Variants in PDSS2 observed in about 807,000 individuals in gnomAD.
The protein encoded by PDSS2 is decaprenyl diphosphate synthase subunit 2.
A neutral mutation model predicts 44.5 loss-of-function variants in PDSS2; 31 were observed. The observed-to-expected ratio is 0.70, with a 90% CI of 0.52 to 0.94. The LOEUF is 0.94. Ranked by LOEUF, PDSS2 falls within the 40% of genes least tolerant of loss-of-function variation. The probability of loss-of-function intolerance (pLI) is 0.00; values close to 1 mark genes in which losing one functional copy is unlikely to be tolerated. For synonymous variants in PDSS2, 157 were observed against 180.3 expected (o/e 0.87, Z 1.03); for missense variants, 452 against 482.2 (o/e 0.94, Z 0.59).
chr6:107,364,020 T>C (rs903072438), intron 1 of PDSS2, among the ~76,000 whole-genome samples: 3 of 151,540 alleles, frequency 2.0e-5, no homozygotes, highest in South Asian at 2.1e-4. Flanking sequence ...GACATAAAGG[T>C]TCTCCACGTC....
At chr6:107,165,661 T>C (rs1771316418) in intron 7 of PDSS2, among the ~76,000 whole-genome samples, 1 of 151,842 alleles carries the variant, frequency 6.6e-6, no homozygotes, top group South Asian at 2.1e-4. Flanking sequence ...CTTTTTTGGT[T>C]CCATATGAAC....
At chr6:107,332,107 T>C (rs1582951607) in intron 2 of PDSS2, among the ~76,000 whole-genome samples, 1 of 1,346 alleles carries the variant, frequency 7.4e-4, no homozygotes, top group Non-Finnish European at 4.0e-3. Context: ...TAAGGTAAAC[T>C]TTTTTTTTTT....
At chr6:107,273,338 A>T (rs1028910992) in intron 3 of PDSS2, among the ~76,000 whole-genome samples, 2 of 152,104 alleles carry the variant, frequency 1.3e-5, no homozygotes, top group African/African-American at 4.8e-5. Context: ...GAAAAAAAAA[A>T]CACTAAAAAT....
intron 7 of PDSS2, among the ~76,000 whole-genome samples, chr6:107,182,583 C>A (rs890421578): frequency 6.6e-6 from 1 of 152,122 alleles, no homozygotes; most frequent in Non-Finnish European, 1.5e-5. Flanking sequence ...CCTTGGTTTC[C>A]CAAAGTGCTG....
intron 2 of PDSS2, among the ~76,000 whole-genome samples, chr6:107,330,812 C>G (rs1191551147): frequency 6.6e-6 from 1 of 152,044 alleles, no homozygotes; most frequent in Admixed American, 6.6e-5. Context: ...AAGGCTATGG[C>G]GAATGTTTAC....
intron 2 of PDSS2, among the ~76,000 whole-genome samples, chr6:107,295,623 C>G (rs1776486034): frequency 6.6e-6 from 1 of 152,222 alleles, no homozygotes; most frequent in African/African-American, 2.4e-5. Flanking sequence ...AAGTTATTTG[C>G]CTAATGTCAC....
chr6:107,318,979 C>G (rs1364157038), intron 2 of PDSS2, among the ~76,000 whole-genome samples: 2 of 149,186 alleles, frequency 1.3e-5, no homozygotes, highest in Non-Finnish European at 3.0e-5. Context: ...CAGAGTGAGA[C>G]TATGTTAAAA....
chr6:107,223,080 C>A (rs1235513749), intron 4 of PDSS2, among the ~76,000 whole-genome samples: 1 of 151,504 alleles, frequency 6.6e-6, no homozygotes, highest in Non-Finnish European at 1.5e-5. Context: ...TCCTGAGTAG[C>A]TGGGATTACA....
intron 2 of PDSS2, among the ~76,000 whole-genome samples, chr6:107,291,876 A>G (rs1776361206): frequency 6.6e-6 from 1 of 152,044 alleles, no homozygotes; most frequent in South Asian, 2.1e-4. Context: ...AAAAAGAAAA[A>G]TGCCAAGGCT....
At chr6:107,215,630 A>G (rs1773385865) in intron 4 of PDSS2, among the ~76,000 whole-genome samples, 1 of 152,204 alleles carries the variant, frequency 6.6e-6, no homozygotes. Context: ...TTTGAAGGCA[A>G]TATAACTGCA....
chr6:107,426,020 G>A (rs1266480824), intron 1 of PDSS2, among the ~76,000 whole-genome samples: 1 of 151,692 alleles, frequency 6.6e-6, no homozygotes, highest in African/African-American at 2.4e-5. Context: ...GCAGAAATTT[G>A]CACATGTAAC....
chr6:107,217,224 C>A (rs1204581038), intron 4 of PDSS2, among the ~76,000 whole-genome samples: 1 of 152,134 alleles, frequency 6.6e-6, no homozygotes, highest in Non-Finnish European at 1.5e-5. Context: ...TGTCTATATC[C>A]TAATCCCTGG....
At chr6:107,424,343 G>T (rs932006040) in intron 1 of PDSS2, among the ~76,000 whole-genome samples, 1 of 151,974 alleles carries the variant, frequency 6.6e-6, no homozygotes, top group South Asian at 2.1e-4. Flanking sequence ...CCACCACACT[G>T]GACCTTGTAT....
At chr6:107,308,815 T>C (rs1243502252) in intron 2 of PDSS2, among the ~76,000 whole-genome samples, 1 of 152,216 alleles carries the variant, frequency 6.6e-6, no homozygotes, top group Non-Finnish European at 1.5e-5. Context: ...CCAACAGGGC[T>C]CACTGCCCCT....
At chr6:107,456,158 T>C (rs1034872675) in intron 1 of PDSS2, among the ~76,000 whole-genome samples, 1 of 152,034 alleles carries the variant, frequency 6.6e-6, no homozygotes, top group African/African-American at 2.4e-5. Context: ...CTGTCCCTAC[T>C]AAAAATACAA....
At chr6:107,427,478 A>G (rs191739301) in intron 1 of PDSS2, among the ~76,000 whole-genome samples, 151 of 152,342 alleles carry the variant, frequency 9.9e-4, no homozygotes, top group African/African-American at 3.5e-3. Context: ...GAGAGCCTTT[A>G]TGAAATCAAA....
chr6:107,384,124 A>C (rs1278676327), intron 1 of PDSS2, among the ~76,000 whole-genome samples: 1 of 152,232 alleles, frequency 6.6e-6, no homozygotes, highest in African/African-American at 2.4e-5. Flanking sequence ...AACCCTGAAG[A>C]TATTACACAA....
At chr6:107,197,544 G>A (rs1415791054) in intron 6 of PDSS2, among the ~76,000 whole-genome samples, 2 of 151,398 alleles carry the variant, frequency 1.3e-5, no homozygotes, top group Non-Finnish European at 2.9e-5. Context: ...CTCAGCTGGT[G>A]TCAGCTTGCT....
At chr6:107,294,093 C>G (rs1223068032) in intron 2 of PDSS2, among the ~76,000 whole-genome samples, 5 of 152,080 alleles carry the variant, frequency 3.3e-5, no homozygotes, top group Non-Finnish European at 5.9e-5. Flanking sequence ...CTGCAAAGAC[C>G]TCTCCAGCTA....
Sources: allele counts gnomAD v4.1 joint callset (sites outside exome capture counted in the v4.1 genomes callset), GRCh38; gene constraint gnomAD v4.1.1; transcripts MANE v1.5; gene names NCBI Gene and HGNC (gene_info 2026-07-23, HGNC 2026-07-21).